Variants in CIB4 observed in about 807,000 individuals in gnomAD.
The protein encoded by CIB4 is calcium and integrin binding family member 4, also known as calcium and integrin-binding family member 4.
In CIB4, 25 loss-of-function variants were observed where a neutral mutation model predicts 25.8. The ratio of observed to expected loss-of-function variants is 0.97; its 90% CI spans 0.71 to 1.35. The LOEUF (loss-of-function observed/expected upper bound fraction) is 1.35, where lower values mean the gene tolerates loss of function less well. CIB4 is among the 40% of genes most tolerant of loss of function. CIB4 has a pLI of 0.00. For missense variants in CIB4, 235 were observed against 228.2 expected, an observed-to-expected ratio of 1.03 and a Z score of -0.19; for synonymous variants, 75 against 81.4, an observed-to-expected ratio of 0.92 and a Z score of 0.42.
chr2:26,631,119 A>G (rs892846193), intron 2 of CIB4, among the ~76,000 whole-genome samples: 6 of 152,168 alleles, frequency 3.9e-5, no homozygotes, highest in African/African-American at 1.4e-4. Flanking sequence ...CCCTATTGAC[A>G]TTCCAGGGTA....
chr2:26,601,230 AAATAT>A (rs1479956853), intron 3 of CIB4, among the ~76,000 whole-genome samples: 1,254 of 47,362 alleles, frequency 0.026, 114 homozygotes, highest in African/African-American at 0.079. Flanking sequence ...AAAAAAAAAA[AAATAT>A]ATATATATAT....
intron 4 of CIB4, among the ~76,000 whole-genome samples, chr2:26,593,221 A>T (rs1668615782): frequency 6.6e-6 from 1 of 152,168 alleles, no homozygotes; most frequent in Admixed American, 6.5e-5. Context: ...CAGACAGCAG[A>T]TGATGGGACT....
rs548866151 is a variant in CIB4, at chr2:26,608,610, G to T, written c.187-13293C>A. ...CAGATGCTGTCAGGCTGACTCCCAG[G>T]CTGCCCCATCCTTGCCTGGACAGAG... is the stretch of plus-strand genomic sequence containing the variant. On this transcript the variant is annotated intron_variant, in intron 3 of 6. Transcript: ENST00000288861. 2.2e-4 allele frequency among the ~76,000 whole-genome samples: 34 copies of T among 152,280 alleles called. No individual in the cohort carries two copies. In the South Asian group the frequency reaches 7.1e-3, roughly 32 times the overall value.
In CIB4 at chr2:26,613,543, AT is replaced by A. The variant is rs375924043; in HGVS notation, c.186+15866del. Among the ~76,000 whole-genome samples the A allele has an allele frequency of 2.2e-4, 33 of 152,228 alleles. No homozygotes were observed. The East Asian group carries it at 6.4e-3, about 29-fold the overall frequency. ...GCAATCCCCCTCCCTTTCCTGGAGT[AT>A]TTTAGCATTTCACCTCCATTCTGTC... On this transcript the variant is annotated intron_variant, in intron 3 of 6. Coordinates refer to ENST00000288861, the MANE Select transcript of CIB4 (RefSeq NM_001029881.3).
Position 26,583,913 on chromosome 2 carries a change from C to T in CIB4, c.329-15G>A. The T allele has an allele frequency of 2.6e-6, 4 of 1,533,706 alleles. No homozygotes were observed. The highest frequency in any genetic ancestry group is 3.6e-6 in the Non-Finnish European group (4 of 1,106,926). On this transcript the variant is annotated splice_polypyrimidine_tract_variant and intron_variant, in intron 4 of 6. Coordinates refer to ENST00000288861, the MANE Select transcript of CIB4 (RefSeq NM_001029881.3). ...CTCATTAAAATCTGCAAAGAAGAGG[C>T]CAGGCCTGCATTAGACGGAGCTGGG...
chr2:26,589,559 T>G (rs539566767), intron 4 of CIB4, among the ~76,000 whole-genome samples: 1 of 152,258 alleles, frequency 6.6e-6, no homozygotes, highest in South Asian at 2.1e-4. Flanking sequence ...TGACCTCAGG[T>G]GATCCACCCA....
intron 2 of CIB4, among the ~76,000 whole-genome samples, chr2:26,640,101 CAGGGAGGG>C (rs781597774): frequency 4.7e-5 from 5 of 106,738 alleles, no homozygotes; most frequent in African/African-American, 1.8e-4. Context: ...GGAGAAAGGG[CAGGGAGGG>C]AGGGAGGGAG....
At chr2:26,636,517 C>A (rs908403122) in intron 2 of CIB4, among the ~76,000 whole-genome samples, 4 of 152,130 alleles carry the variant, frequency 2.6e-5, no homozygotes, top group Non-Finnish European at 5.9e-5. Context: ...CTTTCCAGGC[C>A]GACTGTCCTG....
chr2:26,602,271 T>C (rs1668806867), intron 3 of CIB4, among the ~76,000 whole-genome samples: 1 of 152,214 alleles, frequency 6.6e-6, no homozygotes, highest in Non-Finnish European at 1.5e-5. Flanking sequence ...AAGGTGGTGT[T>C]TGACCAGGTA....
intron 2 of CIB4, among the ~76,000 whole-genome samples, 192 bp from the exon 3 acceptor site, chr2:26,629,698 T>C (rs1276084546): frequency 6.6e-6 from 1 of 152,140 alleles, no homozygotes; most frequent in Non-Finnish European, 1.5e-5. Flanking sequence ...TAAATATGTC[T>C]TCTAGAAACA....
Position 26,595,188 on chromosome 2 carries a change from A to T in CIB4, c.316T>A (p.Phe106Ile). ...CCACAGCACCTACCATAGATGCGAAAGGCATACTCAATCTTCAGGCTTGGG... is the reference window on the plus strand; with the variant it reads ...CCACAGCACCTACCATAGATGCGAATGGCATACTCAATCTTCAGGCTTGGG... ...ACPSLKIEYA[F>I]RIYDFNENGF... The change falls in exon 4 of 7, where the codon TTT becomes ATT. Residue 106 changes from phenylalanine to isoleucine, a missense_variant. By Grantham distance (21) the Phe-to-Ile change is conservative. Transcript: ENST00000288861. 1 of 1,609,992 alleles carries T rather than the reference A, an allele frequency of 6.2e-7. No homozygotes were observed. Among genetic ancestry groups the T allele is most frequent in the Non-Finnish European group, 8.5e-7 (1 of 1,176,556 alleles).
intron 1 of CIB4, among the ~76,000 whole-genome samples, chr2:26,640,855 A>G (rs1669621301): frequency 6.6e-6 from 1 of 152,164 alleles, no homozygotes; most frequent in Non-Finnish European, 1.5e-5. Context: ...AGACAGATGG[A>G]GGAAGGTAAC....
intron 3 of CIB4, among the ~76,000 whole-genome samples, chr2:26,598,714 A>C (rs529760235): frequency 1.3e-5 from 2 of 152,300 alleles, no homozygotes; most frequent in African/African-American, 4.8e-5. Flanking sequence ...AACAAGGTGC[A>C]GCTTCCTTCT....
At chr2:26,588,079 C>T (rs1335408053) in intron 4 of CIB4, among the ~76,000 whole-genome samples, 2 of 152,212 alleles carry the variant, frequency 1.3e-5, no homozygotes, top group Non-Finnish European at 2.9e-5. Flanking sequence ...CTACCACCTC[C>T]ATGGGAAATG....
At chr2:26,620,299 G>A (rs928383824) in intron 3 of CIB4, among the ~76,000 whole-genome samples, 29 of 152,218 alleles carry the variant, frequency 1.9e-4, no homozygotes, top group African/African-American at 6.3e-4. Context: ...CCCTGGTAGC[G>A]CTGGAAATAG....
chr2:26,588,942 G>C (rs1029205136), intron 4 of CIB4, among the ~76,000 whole-genome samples: 1 of 151,608 alleles, frequency 6.6e-6, no homozygotes, highest in Non-Finnish European at 1.5e-5. Context: ...AGGTGTGGCT[G>C]TCCCTGCTGG....
At chr2:26,596,791 G>A in intron 3 of CIB4, among the ~76,000 whole-genome samples, 1 of 151,288 alleles carries the variant, frequency 6.6e-6, no homozygotes, top group Non-Finnish European at 1.5e-5. Flanking sequence ...TTTGTAATTA[G>A]AAGGAAAGTA....
At position 26,596,270 on chromosome 2, in the gene CIB4, G is replaced by T. The variant is rs572311286; in HGVS notation, c.187-953C>A. On this transcript the variant is annotated intron_variant, in intron 3 of 6. Coordinates refer to ENST00000288861, the MANE Select transcript of CIB4 (RefSeq NM_001029881.3). ...GGAAAAGTGAAGGTACTCATCGAGG[G>T]GGGTGGCTGCTCCAGGATGGAAAAG... is the stretch of plus-strand genomic sequence containing the variant. 2.0e-5 allele frequency among the ~76,000 whole-genome samples: 3 copies of T among 152,238 alleles called. No homozygotes were observed. The South Asian group carries it at 6.2e-4, about 32-fold the overall frequency.
chr2:26,586,182 C>T (rs140100434), intron 4 of CIB4, among the ~76,000 whole-genome samples: 1,766 of 152,266 alleles, frequency 0.012, 19 homozygotes, highest in Middle Eastern at 0.027. Context: ...ATCGTCATTC[C>T]TTCCTCATTG....
Sources: allele counts gnomAD v4.1 joint callset (sites outside exome capture counted in the v4.1 genomes callset), GRCh38; gene constraint gnomAD v4.1.1; transcripts MANE v1.5; gene names NCBI Gene and HGNC (gene_info 2026-07-23, HGNC 2026-07-21).